Variants in TGM3 observed in about 807,000 individuals in gnomAD.
The protein encoded by TGM3 is protein-glutamine gamma-glutamyltransferase E.
TGM3 carries 52 observed loss-of-function variants against 73.8 expected under a neutral mutation model. That is an observed-to-expected ratio of 0.70 (90% CI 0.56 to 0.89). The LOEUF (loss-of-function observed/expected upper bound fraction) is 0.89, where lower values mean the gene tolerates loss of function less well. Ranked by LOEUF, TGM3 falls within the 40% of genes least tolerant of loss-of-function variation. The pLI, the probability that TGM3 is intolerant of heterozygous loss-of-function variation, is 0.00. For missense variants in TGM3, 928 were observed against 909.9 expected, an observed-to-expected ratio of 1.02 and a Z score of -0.26; for synonymous variants, 372 against 354.9, an observed-to-expected ratio of 1.05 and a Z score of -0.54.
chr20:2,314,246 G>A (rs373824483), intron 5 of TGM3, among the ~76,000 whole-genome samples: 1 of 152,152 alleles, frequency 6.6e-6, no homozygotes, highest in Admixed American at 6.5e-5. Context: ...TGAGGCAGGG[G>A]GATTACTTGA....
intron 7 of TGM3, among the ~76,000 whole-genome samples, chr20:2,321,818 C>G (rs1203152245): frequency 6.6e-6 from 1 of 152,314 alleles, no homozygotes; most frequent in Middle Eastern, 3.4e-3. Flanking sequence ...GAAAGATGCA[C>G]ATCCCAAATA....
At chr20:2,337,723 A>C (rs1038130851) in intron 11 of TGM3, among the ~76,000 whole-genome samples, 1 of 152,098 alleles carries the variant, frequency 6.6e-6, no homozygotes, top group African/African-American at 2.4e-5. Flanking sequence ...CCGTCAAAAA[A>C]AAAAAAAATT....
At chr20:2,323,161 C>G (rs1206508735) in intron 7 of TGM3, among the ~76,000 whole-genome samples, 1 of 152,108 alleles carries the variant, frequency 6.6e-6, no homozygotes, top group Non-Finnish European at 1.5e-5. Context: ...GCACCCATCT[C>G]CTGAGCAGTA....
Position 2,317,473 on chromosome 20 carries a change from G to A in TGM3, c.971G>A (p.Ser324Asn), listed in dbSNP as rs2122228275. ...DPMGNPLDKG[S>N]DSVWNFHVWN... is the part of the protein sequence containing the mutation. ...ATGGGAAACCCCCTGGACAAGGGTA[G>A]TGATAGCGTATGGTAAGTATCTCAC... The change falls in exon 7 of 13, where the codon AGT (serine) becomes AAT (asparagine). Residue 324 changes from serine (S) to asparagine (N), a missense_variant. Coordinates refer to ENST00000381458, the MANE Select transcript of TGM3 (RefSeq NM_003245.4). 2 of 1,614,250 alleles carry A rather than the reference G, an allele frequency of 1.2e-6. No individual in the cohort carries two copies. Among genetic ancestry groups the A allele is most frequent in the Non-Finnish European group, 1.7e-6 (2 of 1,180,038 alleles).
At chr20:2,330,970 C>T (rs1379994727) in intron 9 of TGM3, among the ~76,000 whole-genome samples, 1 of 133,528 alleles carries the variant, frequency 7.5e-6, no homozygotes, top group Non-Finnish European at 1.5e-5. Context: ...CATGCCACTG[C>T]ACTCCAGCTT....
chr20:2,319,877 A>G (rs569917456), intron 7 of TGM3, among the ~76,000 whole-genome samples: 82 of 152,320 alleles, frequency 5.4e-4, no homozygotes, highest in African/African-American at 1.8e-3. Flanking sequence ...GCGCAAGGCA[A>G]TTTATCCTCC....
chr20:2,310,475 G>A (rs878919289), intron 3 of TGM3, 58 bp downstream of exon 3: 8 of 1,590,716 alleles, frequency 5.0e-6, no homozygotes, highest in South Asian at 4.6e-5. Flanking sequence ...AGAAAAAGGG[G>A]ATGGGGGAAA....
intron 7 of TGM3, among the ~76,000 whole-genome samples, chr20:2,318,181 G>A (rs1049790016): frequency 1.8e-4 from 27 of 151,876 alleles, no homozygotes; most frequent in African/African-American, 5.8e-4. Context: ...CACCATGCCC[G>A]GCTAATTTTT....
chr20:2,320,709 C>T (rs45521632), intron 7 of TGM3, among the ~76,000 whole-genome samples: 2,330 of 152,256 alleles, frequency 0.015, 52 homozygotes, highest in African/African-American at 0.053. Flanking sequence ...GGACACTTTT[C>T]GGGGGAGCTT....
At chr20:2,305,057 C>T (rs192002022) in intron 1 of TGM3, among the ~76,000 whole-genome samples, 1 of 152,308 alleles carries the variant, frequency 6.6e-6, no homozygotes, top group Admixed American at 6.5e-5. Context: ...CCCCCATGCC[C>T]CCCTCCCAGC....
chr20:2,310,132 C>G, intron 2 of TGM3, 46 bp from the exon 3 acceptor site: 1 of 1,609,336 alleles, frequency 6.2e-7, no homozygotes, highest in Non-Finnish European at 8.5e-7. Flanking sequence ...TCTCCACAGT[C>G]TGACCAGTGC....
chr20:2,312,392 G>A (rs948386057), intron 4 of TGM3, among the ~76,000 whole-genome samples: 51 of 70,606 alleles, frequency 7.2e-4, no homozygotes, highest in African/African-American at 2.6e-3. Context: ...GCAAGACTCC[G>A]TCTCAAAAAA....
chr20:2,340,487 C>G lies in TGM3; in HGVS notation c.1988C>G (p.Pro663Arg). ...TCCCGGGTCCGTTTTGATATCCTGC[C>G]CTCCCGGAGTGGCACCAAGCAACTG... ...EGSRVRFDIL[P>R]SRSGTKQLLA... The change falls in exon 13 of 13, where the codon CCC becomes CGC. Residue 663 changes from proline (P) to arginine (R), a missense_variant. By Grantham distance (103) the Pro-to-Arg change is moderately radical. Coordinates refer to ENST00000381458, the MANE Select transcript of TGM3 (RefSeq NM_003245.4). 2 of 1,614,168 alleles carry G rather than the reference C, an allele frequency of 1.2e-6. No homozygotes were observed. The highest frequency in any genetic ancestry group is 1.7e-6 in the Non-Finnish European group (2 of 1,180,022).
intron 1 of TGM3, among the ~76,000 whole-genome samples, chr20:2,301,813 G>A (rs181983828): frequency 2.0e-5 from 3 of 152,098 alleles, no homozygotes; most frequent in Middle Eastern, 3.4e-3. Context: ...CCATTCTCCT[G>A]CCTCAGCCTA....
chr20:2,310,741 C>T (rs796449699), intron 3 of TGM3, among the ~76,000 whole-genome samples: 20 of 152,292 alleles, frequency 1.3e-4, no homozygotes, highest in African/African-American at 4.6e-4. Flanking sequence ...AGTATAATTC[C>T]ACAGCATGGA....
intron 11 of TGM3, among the ~76,000 whole-genome samples, chr20:2,337,354 G>A (rs2084355948): frequency 6.6e-6 from 1 of 152,210 alleles, no homozygotes; most frequent in African/African-American, 2.4e-5. Context: ...CCTGAGGCTA[G>A]AAAATGATAC....
intron 7 of TGM3, among the ~76,000 whole-genome samples, chr20:2,318,607 A>G (rs1337417181): frequency 6.6e-6 from 1 of 152,248 alleles, no homozygotes; most frequent in Non-Finnish European, 1.5e-5. Flanking sequence ...ATGTATCTAT[A>G]TAAAGTACCC....
intron 2 of TGM3, 37 bp from the exon 3 acceptor site, chr20:2,310,141 G>T: frequency 6.2e-7 from 1 of 1,612,336 alleles, no homozygotes; most frequent in East Asian, 2.2e-5. Context: ...TCTGACCAGT[G>T]CTTGTTGGTT....
intron 1 of TGM3, among the ~76,000 whole-genome samples, chr20:2,307,350 A>T (rs568147617): frequency 2.1e-4 from 32 of 151,552 alleles, no homozygotes; most frequent in Admixed American, 5.9e-4. Flanking sequence ...GTCCTGCCCC[A>T]ACCCCCACTC....
Sources: gnomAD v4.1 joint callset for allele counts (sites outside exome capture counted in the v4.1 genomes callset) on GRCh38, gnomAD v4.1.1 for gene constraint, MANE v1.5 for transcripts, NCBI Gene and HGNC (gene_info 2026-07-23, HGNC 2026-07-21) for gene names.